RBFOX3: variants seen among roughly 807,000 people sequenced by gnomAD.
RBFOX3 encodes the protein RNA binding fox-1 homolog 3.
In RBFOX3, 17 loss-of-function variants were observed where a neutral mutation model predicts 48.7. The ratio of observed to expected loss-of-function variants is 0.35; its 90% CI spans 0.24 to 0.52. The LOEUF is 0.52. RBFOX3 is among the 20% of genes least tolerant of loss of function. The probability of loss-of-function intolerance (pLI) is 0.94; values close to 1 mark genes in which losing one functional copy is unlikely to be tolerated. For missense variants in RBFOX3, 382 were observed against 497.5 expected (o/e 0.77, Z 2.21); for synonymous variants, 212 against 209.5 (o/e 1.01, Z -0.10).
chr17:79,240,764 C>T (rs549686651), intron 3 of RBFOX3, among the ~76,000 whole-genome samples: 6 of 150,342 alleles, frequency 4.0e-5, no homozygotes, highest in South Asian at 2.1e-4. Context: ...CCCAGATTCA[C>T]GCCATTCTCC....
chr17:79,293,451 CCTTCCTTCCTT>C (rs1235994384), intron 3 of RBFOX3, among the ~76,000 whole-genome samples: 7 of 90,160 alleles, frequency 7.8e-5, no homozygotes, highest in African/African-American at 3.6e-4. Context: ...TTCCTTCCTT[CCTTCCTTCCTT>C]CCTTCCCTTC....
At chr17:79,330,266 T>C (rs1016460061) in intron 2 of RBFOX3, among the ~76,000 whole-genome samples, 6 of 152,172 alleles carry the variant, frequency 3.9e-5, no homozygotes, top group Non-Finnish European at 7.3e-5. Context: ...GTCACCCTCA[T>C]TGAGGTGAAA....
intron 2 of RBFOX3, among the ~76,000 whole-genome samples, chr17:79,331,153 C>T (rs1246915045): frequency 1.3e-5 from 2 of 152,198 alleles, no homozygotes; most frequent in Non-Finnish European, 2.9e-5. Context: ...TTCCTGGCAC[C>T]CTATTTATTT....
intron 3 of RBFOX3, among the ~76,000 whole-genome samples, chr17:79,241,050 A>G (rs1392544548): frequency 6.6e-6 from 1 of 152,116 alleles, no homozygotes; most frequent in East Asian, 1.9e-4. Context: ...ATCATAGCTC[A>G]CTGCAGCCTC....
chr17:79,565,148 T>A (rs2041846649), intron 1 of RBFOX3, among the ~76,000 whole-genome samples: 2 of 150,584 alleles, frequency 1.3e-5, no homozygotes. Flanking sequence ...TGTATTTTTT[T>A]AAAAGACTGC....
intron 2 of RBFOX3, among the ~76,000 whole-genome samples, chr17:79,384,919 C>T (rs956286305): frequency 1.3e-5 from 2 of 152,270 alleles, no homozygotes; most frequent in Non-Finnish European, 2.9e-5. Context: ...GGCAGCTACA[C>T]GCCGGCTGCT....
chr17:79,166,257 C>CG (rs1347514520), intron 4 of RBFOX3, among the ~76,000 whole-genome samples: 3 of 152,160 alleles, frequency 2.0e-5, no homozygotes, highest in Admixed American at 6.5e-5. Flanking sequence ...CCTGCACCCC[C>CG]CAGCGCAGCC....
intron 3 of RBFOX3, among the ~76,000 whole-genome samples, chr17:79,270,072 C>T (rs1280254768): frequency 6.6e-6 from 1 of 152,170 alleles, no homozygotes; most frequent in Non-Finnish European, 1.5e-5. Context: ...CTTCTTGCCA[C>T]CCTCTCGCTG....
intron 4 of RBFOX3, among the ~76,000 whole-genome samples, chr17:79,119,606 C>T (rs1049954274): frequency 1.3e-5 from 2 of 152,196 alleles, no homozygotes; most frequent in South Asian, 4.1e-4. Flanking sequence ...CTCTTAGCCA[C>T]CAGGTGGTCC....
chr17:79,309,864 C>G lies in RBFOX3; in HGVS notation c.-174-2040G>C, dbSNP rs111229657. 9.8e-4 allele frequency among the ~76,000 whole-genome samples: 149 copies of G among 152,278 alleles called. 1 individual carries two copies. The South Asian group carries it at 0.013, about 14-fold the overall frequency. On this transcript the variant is annotated intron_variant, in intron 2 of 14. Transcript: ENST00000693108. ...CTCACTTCCCCTTCGCCTTCCGCCA[C>G]GATTGTAAGTTCCCCAGACATGAGG...
intron 4 of RBFOX3, among the ~76,000 whole-genome samples, chr17:79,124,960 C>G (rs1257438972): frequency 1.3e-5 from 2 of 152,104 alleles, no homozygotes; most frequent in Non-Finnish European, 2.9e-5. Flanking sequence ...CTCCCTGGCT[C>G]TAGTCATTGC....
intron 2 of RBFOX3, among the ~76,000 whole-genome samples, chr17:79,438,173 A>C (rs2148967813): frequency 6.6e-6 from 1 of 152,290 alleles, no homozygotes; most frequent in South Asian, 2.1e-4. Flanking sequence ...ATGTTGTTGA[A>C]AAGAAAACCT....
chr17:79,619,649 G>A, the RBFOX3 span, among the ~76,000 whole-genome samples: 1 of 152,140 alleles, frequency 6.6e-6, no homozygotes, highest in Non-Finnish European at 1.5e-5. Context: ...ACAGGGGATG[G>A]GGGGCAGCTC....
At chr17:79,117,497 G>A (rs1229582580) in intron 4 of RBFOX3, among the ~76,000 whole-genome samples, 1 of 152,226 alleles carries the variant, frequency 6.6e-6, no homozygotes, top group East Asian at 1.9e-4. Context: ...GAGGCTGGGG[G>A]CTGCCCCCGC....
chr17:79,146,571 G>C (rs1333972677), intron 4 of RBFOX3, among the ~76,000 whole-genome samples: 3 of 152,238 alleles, frequency 2.0e-5, no homozygotes, highest in African/African-American at 7.2e-5. Context: ...GGCAAAGCCA[G>C]TCGGTTCCCA....
At chr17:79,651,068 C>T in the RBFOX3 span, among the ~76,000 whole-genome samples, 1 of 152,210 alleles carries the variant, frequency 6.6e-6, no homozygotes, top group African/African-American at 2.4e-5. Flanking sequence ...CTCAGAGGTC[C>T]CTGCAGGGTT....
chr17:79,435,789 T>C (rs771079637), intron 2 of RBFOX3, among the ~76,000 whole-genome samples: 2 of 152,190 alleles, frequency 1.3e-5, no homozygotes, highest in South Asian at 4.1e-4. Flanking sequence ...GTGTGGCTTA[T>C]CCACAACAGC....
intron 2 of RBFOX3, among the ~76,000 whole-genome samples, chr17:79,313,289 T>C (rs573812330): frequency 7.2e-5 from 11 of 152,260 alleles, no homozygotes; most frequent in African/African-American, 1.9e-4. Context: ...GGGGCTTTCT[T>C]AGTGAAGTGC....
At chr17:79,297,677 T>C (rs2074618894) in intron 3 of RBFOX3, among the ~76,000 whole-genome samples, 2 of 152,222 alleles carry the variant, frequency 1.3e-5, no homozygotes, top group South Asian at 2.1e-4. Flanking sequence ...TCATGGTTTA[T>C]TCATAATAAA....
Sources: gnomAD v4.1 joint callset for allele counts (sites outside exome capture counted in the v4.1 genomes callset) on GRCh38, gnomAD v4.1.1 for gene constraint, MANE v1.5 for transcripts, NCBI Gene and HGNC (gene_info 2026-07-23, HGNC 2026-07-21) for gene names.